TREM2: variants seen among roughly 807,000 people sequenced by gnomAD.
TREM2 encodes triggering receptor expressed on monocytes 2.
Under a neutral mutation model 22.9 loss-of-function variants are expected in TREM2, and 20 were observed. The observed-to-expected ratio is 0.87, with a 90% confidence interval of 0.61 to 1.27. TREM2 has a LOEUF of 1.27. Among genes scored for constraint, TREM2 ranks in the 50% most tolerant of loss-of-function variants. The pLI is 0.00. For missense variants in TREM2, 267 were observed against 289.0 expected (o/e 0.92, Z 0.55); for synonymous variants, 111 against 120.9 (o/e 0.92, Z 0.54).
At chr6:41,161,235 G>T in intron 2 of TREM2, 28 bp downstream of exon 2, 4 of 1,599,156 alleles carry the variant, frequency 2.5e-6, no homozygotes, top group Non-Finnish European at 2.6e-6. Flanking sequence ...ACAGGGGCAG[G>T]CCAGAGAGGC....
chr6:41,159,135 T>C, intron 3 of TREM2, 69 bp from the exon 4 acceptor site: 1 of 1,548,382 alleles, frequency 6.5e-7, no homozygotes, highest in Non-Finnish European at 8.8e-7. Context: ...TCTCAGGGAA[T>C]GGGGAGAAAC....
intron 1 of TREM2, among the ~76,000 whole-genome samples, chr6:41,162,513 T>G (rs1765593573): frequency 6.6e-6 from 1 of 151,972 alleles, no homozygotes; most frequent in Non-Finnish European, 1.5e-5. Context: ...GTACAAAAAT[T>G]TGGTGTGTCA....
At chr6:41,161,728 A>C (rs1226950799) in intron 1 of TREM2, 115 bp from the exon 2 acceptor site, 1 of 895,426 alleles carries the variant, frequency 1.1e-6, no homozygotes, top group East Asian at 2.6e-5. Flanking sequence ...AGGTTCTTAT[A>C]CAAGTTGGGA....
chr6:41,162,946 C>T (rs777709160), intron 1 of TREM2, 97 bp downstream of exon 1: 1 of 1,541,568 alleles, frequency 6.5e-7, no homozygotes, highest in Non-Finnish European at 9.0e-7. Flanking sequence ...GGACTGCCAC[C>T]GCCTTCATAA....
chr6:41,158,705 G>A lies in TREM2; in HGVS notation c.*59C>T. 6.2e-7 allele frequency: 1 copy of A among 1,614,178 alleles called. No homozygotes were observed. On this transcript the variant is annotated 3_prime_UTR_variant, in exon 5 of 5. Transcript: ENST00000373113. ...GTCCTGGTGGCCAAGTGGCAAGTAT[G>A]CAGGCTGGGCTGGTCCCTGGTGGGA...
chr6:41,161,741 G>A (rs1582080308), intron 1 of TREM2, 128 bp from the exon 2 acceptor site: 21 of 794,460 alleles, frequency 2.6e-5, no homozygotes, highest in South Asian at 6.1e-5. Context: ...AGTTGGGAGC[G>A]GATGGCACAG....
chr6:41,159,900 A>G lies in TREM2; in HGVS notation c.392-18T>C, dbSNP rs754069674. ...CAGGGGGTCTATGGGAGGCAGAGCC[A>G]TGAGCCTCCAGCCCCTTCCTCCTCG... is the stretch of plus-strand genomic sequence containing the variant. On this transcript the variant is annotated intron_variant, in intron 2 of 4. Coordinates refer to ENST00000373113, the MANE Select transcript of TREM2 (RefSeq NM_018965.4). 3 of 1,607,484 alleles carry G rather than the reference A, an allele frequency of 1.9e-6. No homozygotes were observed. Among genetic ancestry groups the G allele is most frequent in the Admixed American group, 1.7e-5 (1 of 59,972 alleles).
At chr6:41,158,834 GCCCAGTCCA>G in intron 4 of TREM2, 30 bp downstream of exon 4, 1 of 1,614,120 alleles carries the variant, frequency 6.2e-7, no homozygotes, top group African/African-American at 1.3e-5. Context: ...TCCCATCCCT[GCCCAGTCCA>G]CCCTTGATGG....
intron 3 of TREM2, 119 bp downstream of exon 3, chr6:41,159,673 G>C: frequency 1.2e-6 from 1 of 825,708 alleles, no homozygotes; most frequent in East Asian, 2.6e-5. Flanking sequence ...AGATATCCAG[G>C]GCCCTTCAGG....
chr6:41,158,647 G>A lies in TREM2; in HGVS notation c.*117C>T, dbSNP rs766466972. 5.6e-6 allele frequency: 9 copies of A among 1,601,598 alleles called. No homozygotes were observed. The highest frequency in any genetic ancestry group is 3.4e-5 in the South Asian group (3 of 89,308). On this transcript the variant is annotated 3_prime_UTR_variant, in exon 5 of 5. Transcript: ENST00000373113. ...AGGGTCCAGGAGAAGCAGTGTTCAG[G>A]CAGAGTAGTCTCTTGCCAGAGCAGA...
chr6:41,162,946 C>G (rs777709160), intron 1 of TREM2, 97 bp downstream of exon 1: 17 of 1,541,572 alleles, frequency 1.1e-5, no homozygotes, highest in Non-Finnish European at 1.4e-5. Context: ...GGACTGCCAC[C>G]GCCTTCATAA....
intron 3 of TREM2, 104 bp downstream of exon 3, chr6:41,159,688 A>G (rs1765508543): frequency 4.1e-6 from 4 of 975,554 alleles, no homozygotes; most frequent in Non-Finnish European, 6.6e-6. Flanking sequence ...TTCAGGCTCT[A>G]GTTGCCTTGT....
At chr6:41,160,127 G>A (rs566755561) in intron 2 of TREM2, among the ~76,000 whole-genome samples, 21 of 152,258 alleles carry the variant, frequency 1.4e-4, no homozygotes, top group East Asian at 7.7e-4. Context: ...GCACCTCATC[G>A]GAGCTCAGTA....
At chr6:41,161,048 A>G (rs965487671) in intron 2 of TREM2, among the ~76,000 whole-genome samples, 1 of 152,212 alleles carries the variant, frequency 6.6e-6, no homozygotes, top group Non-Finnish European at 1.5e-5. Context: ...ACCAGGGAAC[A>G]CAGTCTGGCA....
intron 3 of TREM2, 25 bp from the exon 4 acceptor site, chr6:41,159,091 G>T (rs184137637): frequency 2.5e-6 from 4 of 1,600,736 alleles, no homozygotes; most frequent in Non-Finnish European, 3.4e-6. Context: ...AAGGCAGATG[G>T]GAGCCTTGAG....
chr6:41,160,496 C>A (rs955971869), intron 2 of TREM2, among the ~76,000 whole-genome samples: 2 of 152,000 alleles, frequency 1.3e-5, no homozygotes, highest in African/African-American at 4.8e-5. Flanking sequence ...TTTGGGGACA[C>A]AGTTGTGTTC....
intron 2 of TREM2, 65 bp downstream of exon 2, chr6:41,161,198 A>G (rs1488184784): frequency 2.0e-6 from 3 of 1,485,902 alleles, no homozygotes; most frequent in Non-Finnish European, 2.8e-6. Context: ...GGTTCTGCAC[A>G]CAGACGCCCA....
Position 41,158,624 on chromosome 6 carries a change from G to A in TREM2, c.*140C>T, listed in dbSNP as rs750313371. The A allele has an allele frequency of 6.3e-7, 1 of 1,581,546 alleles. No individual in the cohort carries two copies. Among genetic ancestry groups the A allele is most frequent in the South Asian group, 1.1e-5 (1 of 87,376 alleles). On this transcript the variant is annotated 3_prime_UTR_variant, in exon 5 of 5. Coordinates refer to ENST00000373113, the MANE Select transcript of TREM2 (RefSeq NM_018965.4). ...TCCCTCAACCAGTCCCTGCTTCCAGGGTCCAGGAGAAGCAGTGTTCAGGCA... is the reference window on the plus strand; with the variant it reads ...TCCCTCAACCAGTCCCTGCTTCCAGAGTCCAGGAGAAGCAGTGTTCAGGCA...
chr6:41,162,024 A>C (rs1765580261), intron 1 of TREM2, among the ~76,000 whole-genome samples: 1 of 151,946 alleles, frequency 6.6e-6, no homozygotes, highest in African/African-American at 2.4e-5. Context: ...GACTTTCCTG[A>C]CCTTTAACTT....
Sources: gnomAD v4.1 joint callset for allele counts (sites outside exome capture counted in the v4.1 genomes callset) on GRCh38, gnomAD v4.1.1 for gene constraint, MANE v1.5 for transcripts, NCBI Gene and HGNC (gene_info 2026-07-23, HGNC 2026-07-21) for gene names.